Variants in TNPO3 observed in about 807,000 individuals in gnomAD.
The protein encoded by TNPO3 is transportin 3, also known as transportin-3.
TNPO3 carries 65 observed loss-of-function variants against 122.8 expected under a neutral mutation model. The ratio of observed to expected loss-of-function variants is 0.53; its 90% CI spans 0.43 to 0.65. TNPO3 has a LOEUF of 0.65. Ranked by LOEUF, TNPO3 falls within the 30% of genes least tolerant of loss-of-function variation. TNPO3 has a pLI of 0.00. For synonymous variants in TNPO3, 372 were observed against 411.2 expected, an observed-to-expected ratio of 0.90 and a Z score of 1.15; for missense variants, 850 against 1,136.7, an observed-to-expected ratio of 0.75 and a Z score of 3.63.
At chr7:129,003,216 ACT>A (rs1395816928) in intron 5 of TNPO3, among the ~76,000 whole-genome samples, 2 of 149,692 alleles carry the variant, frequency 1.3e-5, no homozygotes, top group East Asian at 4.0e-4. Context: ...GAGGGAGGAG[ACT>A]CTGTCTCAAA....
chr7:128,978,963 C>T lies in TNPO3; in HGVS notation c.2061+20G>A, dbSNP rs1199418159. ...AAATTCTGTACATGGAACACGTCCC[C>T]CCGCAACAGATAACTTTACCTGTGT... On this transcript the variant is annotated intron_variant, in intron 16 of 22. Coordinates refer to ENST00000265388, the MANE Select transcript of TNPO3 (RefSeq NM_012470.4). 6.2e-7 allele frequency: 1 copy of T among 1,613,372 alleles called. No homozygotes were observed. Among genetic ancestry groups the T allele is most frequent in the Non-Finnish European group, 8.5e-7 (1 of 1,179,718 alleles).
intron 20 of TNPO3, among the ~76,000 whole-genome samples, chr7:128,968,645 G>C (rs1463268317): frequency 6.6e-6 from 1 of 152,092 alleles, no homozygotes; most frequent in Non-Finnish European, 1.5e-5. Context: ...GAAGTACTAA[G>C]CATTTCTTAA....
rs1472840810 is a variant in TNPO3 at position 128,967,280 on chromosome 7, C to A, written c.2711G>T (p.Ser904Ile). The A allele has an allele frequency of 6.3e-7, 1 of 1,596,364 alleles. No homozygotes were observed. Among genetic ancestry groups the A allele is most frequent in the South Asian group, 1.1e-5 (1 of 90,738 alleles). The change falls in exon 21 of 23, where the codon AGT becomes ATT. Residue 904 changes from serine (S) to isoleucine (I), a missense_variant and splice_region_variant. By Grantham distance (142) the Ser-to-Ile change is moderately radical. Coordinates refer to ENST00000265388, the MANE Select transcript of TNPO3 (RefSeq NM_012470.4). The stretch of plus-strand genomic sequence containing the variant: ...CTTAAGAACCCCCAGTATCACTCAC[C>A]TAGTGACTTGCTTGTGGAAGTCTGT... ...QLTDFHKQVT[S>I]AEECKQVCWA...
chr7:129,034,992 C>T (rs1256627973), intron 1 of TNPO3, among the ~76,000 whole-genome samples: 6 of 141,738 alleles, frequency 4.2e-5, no homozygotes, highest in South Asian at 2.4e-4. Context: ...AACAACATAT[C>T]GGCCGGGCGC....
At chr7:128,977,524 A>G (rs898125109) in intron 16 of TNPO3, among the ~76,000 whole-genome samples, 1 of 152,218 alleles carries the variant, frequency 6.6e-6, no homozygotes, top group Non-Finnish European at 1.5e-5. Context: ...ACACCGCACC[A>G]GCATGCCTGT....
chr7:129,003,057 A>AT, intron 5 of TNPO3, among the ~76,000 whole-genome samples: 2 of 136,526 alleles, frequency 1.5e-5, no homozygotes, highest in Non-Finnish European at 3.3e-5. Context: ...AAAAAAAAAA[A>AT]AAAAAAATAC....
At position 129,005,855 on chromosome 7, in the gene TNPO3, C is replaced by T. The variant is rs140755748; in HGVS notation, c.553-696G>A. On this transcript the variant is annotated intron_variant, in intron 4 of 22. Transcript: ENST00000265388. The stretch of plus-strand genomic sequence containing the variant: ...GGAGTGCAGTGCCACAATCTCGGCT[C>T]GCTGCAACCTCCACCTCCCTGGTTC... 1.3e-3 allele frequency among the ~76,000 whole-genome samples: 193 copies of T among 148,204 alleles called. 5 individuals are homozygous for T. The East Asian group carries it at 0.034, about 26-fold the overall frequency.
intron 1 of TNPO3, among the ~76,000 whole-genome samples, chr7:129,025,068 G>A (rs1209703980): frequency 1.3e-5 from 2 of 151,792 alleles, no homozygotes; most frequent in Non-Finnish European, 2.9e-5. Context: ...AAAAAAACAG[G>A]CCGGGCGCAG....
intron 11 of TNPO3, among the ~76,000 whole-genome samples, chr7:128,988,401 C>T (rs188300090): frequency 1.6e-4 from 24 of 152,268 alleles, no homozygotes; most frequent in African/African-American, 5.8e-4. Flanking sequence ...AACCAAAACC[C>T]CACCCTGTTT....
chr7:128,991,754 T>G (rs1800769509), intron 10 of TNPO3, among the ~76,000 whole-genome samples: 1 of 152,146 alleles, frequency 6.6e-6, no homozygotes, highest in Non-Finnish European at 1.5e-5. Context: ...GAAAAATAAA[T>G]CAGCATTCTA....
chr7:129,004,425 A>G (rs1006500107), intron 5 of TNPO3, among the ~76,000 whole-genome samples: 3 of 152,192 alleles, frequency 2.0e-5, no homozygotes, highest in African/African-American at 7.2e-5. Flanking sequence ...CCTAACTCCT[A>G]TCTACCAAGA....
chr7:129,011,569 C>A (rs1803202582), intron 4 of TNPO3, among the ~76,000 whole-genome samples: 5 of 152,108 alleles, frequency 3.3e-5, no homozygotes, highest in Admixed American at 3.3e-4. Flanking sequence ...GTCTCGAGCT[C>A]CTGACCTTGT....
intron 8 of TNPO3, among the ~76,000 whole-genome samples, chr7:128,996,145 A>C (rs1270220893): frequency 2.0e-5 from 3 of 152,372 alleles, no homozygotes; most frequent in Non-Finnish European, 1.5e-5. Context: ...CGTGGGATTT[A>C]ATTGTAAGCA....
chr7:128,970,433 C>T (rs770243032), intron 19 of TNPO3, 118 bp from the exon 20 acceptor site: 29 of 884,998 alleles, frequency 3.3e-5, no homozygotes, highest in Admixed American at 2.0e-4. Flanking sequence ...TGTGTGCACG[C>T]GTGGCTGTGT....
At chr7:128,984,125 A>G in intron 13 of TNPO3, 43 bp downstream of exon 13, 1 of 1,280,820 alleles carries the variant, frequency 7.8e-7, no homozygotes, top group Non-Finnish European at 1.1e-6. Flanking sequence ...TTTAACATGT[A>G]AACATCTTAT....
At chr7:128,974,215 A>G (rs1456579435) in intron 18 of TNPO3, among the ~76,000 whole-genome samples, 1 of 151,816 alleles carries the variant, frequency 6.6e-6, no homozygotes, top group Non-Finnish European at 1.5e-5. Context: ...AGATGAAACA[A>G]TCAAGTCAAC....
chr7:128,970,466 A>T, intron 19 of TNPO3, 151 bp from the exon 20 acceptor site: 2 of 604,124 alleles, frequency 3.3e-6, no homozygotes, highest in Non-Finnish European at 5.3e-6. Context: ...AGGTGTGTGT[A>T]AAATGACAGC....
chr7:129,023,152 C>CT (rs778362562), intron 1 of TNPO3, among the ~76,000 whole-genome samples: 1 of 152,100 alleles, frequency 6.6e-6, no homozygotes, highest in Non-Finnish European at 1.5e-5. Context: ...ATAAGATACT[C>CT]TGTCACCTTC....
rs1048023090 is a variant in TNPO3 at position 128,994,432 on chromosome 7, C to T, written c.1159-518G>A. Among the ~76,000 whole-genome samples, 10 of 151,928 alleles carry T rather than the reference C, an allele frequency of 6.6e-5. No homozygotes were observed. In the South Asian group the frequency reaches 8.3e-4, roughly 13 times the overall value. On this transcript the variant is annotated intron_variant, in intron 8 of 22. Transcript: ENST00000265388. ...CTCGACCTCCCAAAGTGTTAGCCAC[C>T]GTGAGCCGGCATGCCCTGCTGTGTT...
Sources: gnomAD v4.1 joint callset for allele counts (sites outside exome capture counted in the v4.1 genomes callset) on GRCh38, gnomAD v4.1.1 for gene constraint, MANE v1.5 for transcripts, NCBI Gene and HGNC (gene_info 2026-07-23, HGNC 2026-07-21) for gene names.